The following ZCCHC14 variants were observed in gnomAD, a reference collection of about 807,000 sequenced individuals.
ZCCHC14 encodes the protein zinc finger CCHC-type containing 14.
Under a neutral mutation model 85.0 loss-of-function variants are expected in ZCCHC14, and 16 were observed. The ratio of observed to expected loss-of-function variants is 0.19; its 90% CI spans 0.13 to 0.29. ZCCHC14 has a LOEUF of 0.29. Among genes scored for constraint, ZCCHC14 ranks in the 10% least tolerant of loss-of-function variants. The pLI, the probability that ZCCHC14 is intolerant of heterozygous loss-of-function variation, is 1.00. For missense variants in ZCCHC14, 1,303 were observed against 1,443.5 expected (o/e 0.90, Z 1.58); for synonymous variants, 775 against 630.7 (o/e 1.23, Z -3.43).
intron 1 of ZCCHC14, among the ~76,000 whole-genome samples, chr16:87,479,443 A>G (rs1400622305): frequency 6.6e-6 from 1 of 151,712 alleles, no homozygotes; most frequent in Non-Finnish European, 1.5e-5. Flanking sequence ...AAACCTAAGG[A>G]TATAATTTCT....
chr16:87,490,927 G>T (rs1912727645), intron 1 of ZCCHC14, among the ~76,000 whole-genome samples: 1 of 152,250 alleles, frequency 6.6e-6, no homozygotes, highest in African/African-American at 2.4e-5. Flanking sequence ...AGCGACACAG[G>T]CCCCAAGCAG....
At chr16:87,431,759 A>G (rs777869079) in intron 3 of ZCCHC14, among the ~76,000 whole-genome samples, 1 of 152,270 alleles carries the variant, frequency 6.6e-6, no homozygotes, top group East Asian at 1.9e-4. Flanking sequence ...AAGGTGTCAC[A>G]CGCGACCACT....
chr16:87,414,792 A>G (rs1402669332), intron 9 of ZCCHC14, among the ~76,000 whole-genome samples: 1 of 152,224 alleles, frequency 6.6e-6, no homozygotes, highest in African/African-American at 2.4e-5. Flanking sequence ...CTTTAAAAGC[A>G]TGACTAGGCC....
chr16:87,483,786 A>G lies in ZCCHC14; in HGVS notation c.570+7883T>C, dbSNP rs1318012893. ...ACAGGTAAAGTAATTACAAAAGCACAGACCATTTGACCCAACTCCACTTCC... is the reference window on the plus strand; with the variant it reads ...ACAGGTAAAGTAATTACAAAAGCACGGACCATTTGACCCAACTCCACTTCC... On this transcript the variant is annotated intron_variant, in intron 1 of 12. Coordinates refer to ENST00000671377, the MANE Select transcript of ZCCHC14 (RefSeq NM_015144.3). 2.0e-5 allele frequency among the ~76,000 whole-genome samples: 3 copies of G among 152,324 alleles called. No homozygotes were observed. In the South Asian group the frequency reaches 6.2e-4, roughly 32 times the overall value.
intron 1 of ZCCHC14, among the ~76,000 whole-genome samples, chr16:87,486,282 C>T (rs943321476): frequency 4.6e-5 from 7 of 152,104 alleles, no homozygotes; most frequent in African/African-American, 1.7e-4. Context: ...GATGCTTCCA[C>T]CACTGACAGA....
chr16:87,440,641 C>CT (rs1910137724), intron 2 of ZCCHC14, among the ~76,000 whole-genome samples: 1 of 152,144 alleles, frequency 6.6e-6, no homozygotes, highest in Admixed American at 6.5e-5. Context: ...GGGTCTCACT[C>CT]TGTCGCCCAG....
At chr16:87,437,044 T>C (rs892165620) in intron 2 of ZCCHC14, among the ~76,000 whole-genome samples, 2 of 152,024 alleles carry the variant, frequency 1.3e-5, no homozygotes, top group African/African-American at 4.8e-5. Context: ...AGCAAATGCC[T>C]AGATAAATTC....
chr16:87,478,874 G>A (rs1597452513), intron 1 of ZCCHC14, among the ~76,000 whole-genome samples: 1 of 152,100 alleles, frequency 6.6e-6, no homozygotes, highest in Non-Finnish European at 1.5e-5. Context: ...CAAAGTGCTA[G>A]GATTACAGGC....
intron 2 of ZCCHC14, among the ~76,000 whole-genome samples, chr16:87,443,833 T>A (rs1364050620): frequency 1.3e-5 from 2 of 151,790 alleles, no homozygotes; most frequent in Non-Finnish European, 2.9e-5. Flanking sequence ...GACCAGGAGT[T>A]CAAGACCAGC....
At chr16:87,432,296 T>C (rs957422855) in intron 3 of ZCCHC14, among the ~76,000 whole-genome samples, 1 of 152,136 alleles carries the variant, frequency 6.6e-6, no homozygotes, top group Non-Finnish European at 1.5e-5. Context: ...GGGACACATT[T>C]CCCAGCCTTT....
chr16:87,441,414 C>G (rs1910179518), intron 2 of ZCCHC14, among the ~76,000 whole-genome samples: 4 of 152,118 alleles, frequency 2.6e-5, no homozygotes, highest in Admixed American at 2.6e-4. Flanking sequence ...GTACAAAAAT[C>G]TTTTATTAAG....
At chr16:87,450,143 A>C (rs1910627215) in intron 2 of ZCCHC14, among the ~76,000 whole-genome samples, 1 of 152,246 alleles carries the variant, frequency 6.6e-6, no homozygotes, top group Non-Finnish European at 1.5e-5. Flanking sequence ...ACTTGAACTA[A>C]GAGCTGTACC....
At chr16:87,454,524 T>C (rs1413276979) in intron 2 of ZCCHC14, among the ~76,000 whole-genome samples, 1 of 152,172 alleles carries the variant, frequency 6.6e-6, no homozygotes, top group Non-Finnish European at 1.5e-5. Context: ...AAGAATTCCA[T>C]AATTAGCCAG....
At chr16:87,477,102 C>G (rs549183080) in intron 1 of ZCCHC14, among the ~76,000 whole-genome samples, 65 of 106,302 alleles carry the variant, frequency 6.1e-4, no homozygotes, top group African/African-American at 2.6e-3. Context: ...TCTAGCCTGA[C>G]AGAGAGAGAC....
chr16:87,459,800 C>T (rs776265016), intron 2 of ZCCHC14, among the ~76,000 whole-genome samples: 13 of 152,116 alleles, frequency 8.5e-5, no homozygotes, highest in African/African-American at 1.2e-4. Flanking sequence ...TGAGAAACCA[C>T]GTCTGGACTT....
At chr16:87,478,763 C>G (rs1174108266) in intron 1 of ZCCHC14, among the ~76,000 whole-genome samples, 2 of 152,016 alleles carry the variant, frequency 1.3e-5, no homozygotes, top group Non-Finnish European at 2.9e-5. Flanking sequence ...CCCGCCACCA[C>G]GCCCGGCTAA....
At chr16:87,469,931 G>C (rs1911704435) in intron 1 of ZCCHC14, among the ~76,000 whole-genome samples, 1 of 152,164 alleles carries the variant, frequency 6.6e-6, no homozygotes, top group Non-Finnish European at 1.5e-5. Context: ...CACGACATGT[G>C]ATCGTCTGTT....
intron 3 of ZCCHC14, among the ~76,000 whole-genome samples, chr16:87,426,304 C>T (rs987434729): frequency 3.9e-5 from 6 of 152,256 alleles, no homozygotes; most frequent in Non-Finnish European, 7.3e-5. Flanking sequence ...ACTATGGGGA[C>T]ACGTGTCCAA....
chr16:87,488,581 A>T (rs562835536), intron 1 of ZCCHC14, among the ~76,000 whole-genome samples: 28 of 152,248 alleles, frequency 1.8e-4, no homozygotes, highest in South Asian at 4.2e-4. Context: ...AAATAAATTT[A>T]AAAAAAATTT....
Sources: allele counts gnomAD v4.1 joint callset (sites outside exome capture counted in the v4.1 genomes callset), GRCh38; gene constraint gnomAD v4.1.1; transcripts MANE v1.5; gene names NCBI Gene and HGNC (gene_info 2026-07-23, HGNC 2026-07-21).